The following PDE4B variants were observed in gnomAD, a reference collection of about 807,000 sequenced individuals.
PDE4B encodes the protein 3',5'-cyclic-AMP phosphodiesterase 4B.
In PDE4B, 20 loss-of-function variants were observed where a neutral mutation model predicts 82.2. That is an observed-to-expected ratio of 0.24 (90% CI 0.17 to 0.35). The LOEUF (loss-of-function observed/expected upper bound fraction) is 0.35. PDE4B is among the 10% of genes least tolerant of loss of function. The pLI, the probability that PDE4B is intolerant of heterozygous loss-of-function variation, is 1.00. For missense variants in PDE4B, 655 were observed against 907.2 expected, an observed-to-expected ratio of 0.72 and a Z score of 3.57; for synonymous variants, 320 against 318.9, an observed-to-expected ratio of 1.00 and a Z score of -0.04.
intron 3 of PDE4B, among the ~76,000 whole-genome samples, chr1:66,060,034 T>C (rs1321948310): frequency 6.6e-6 from 1 of 152,174 alleles, no homozygotes; most frequent in Non-Finnish European, 1.5e-5. Context: ...TCTGTGAAAA[T>C]TAAATTATAA....
At chr1:66,288,430 T>G (rs1467535202) in intron 7 of PDE4B, among the ~76,000 whole-genome samples, 1 of 152,096 alleles carries the variant, frequency 6.6e-6, no homozygotes, top group East Asian at 1.9e-4. Context: ...ACCTACTTTT[T>G]CAGTTTGTTA....
chr1:65,996,444 T>C (rs943098288), intron 3 of PDE4B, among the ~76,000 whole-genome samples: 3 of 152,068 alleles, frequency 2.0e-5, no homozygotes, highest in Non-Finnish European at 4.4e-5. Flanking sequence ...CGTTTTCTTT[T>C]TCATTCACTC....
intron 1 of PDE4B, among the ~76,000 whole-genome samples, chr1:65,868,045 CA>C (rs1466469452): frequency 6.6e-6 from 1 of 152,188 alleles, no homozygotes; most frequent in Non-Finnish European, 1.5e-5. Flanking sequence ...ATATGTAAGA[CA>C]TGGTTCTTGC....
chr1:66,255,065 T>C (rs941594450), intron 4 of PDE4B, among the ~76,000 whole-genome samples: 3 of 151,968 alleles, frequency 2.0e-5, no homozygotes, highest in African/African-American at 4.8e-5. Flanking sequence ...TTTTCTTTTC[T>C]TTTTTTCTCT....
intron 3 of PDE4B, among the ~76,000 whole-genome samples, chr1:66,022,532 G>A (rs977716253): frequency 6.6e-6 from 1 of 152,078 alleles, no homozygotes; most frequent in East Asian, 1.9e-4. Context: ...GTTGAATTTT[G>A]TTGAAGGCCC....
chr1:66,145,502 G>A lies in PDE4B; in HGVS notation c.282-101958G>A, dbSNP rs567323693. Among the ~76,000 whole-genome samples, 17 of 152,302 alleles carry A rather than the reference G, an allele frequency of 1.1e-4. No homozygotes were observed. In the South Asian group the frequency reaches 3.1e-3, roughly 28 times the overall value. On this transcript the variant is annotated intron_variant, in intron 3 of 16. Coordinates refer to ENST00000341517, the MANE Select transcript of PDE4B (RefSeq NM_002600.4). ...CCAGGTATATAACTGACCCTTAGGT[G>A]CTATGGGCTCTTATGGGCTCCAAAA...
At chr1:65,958,312 A>G (rs1371267216) in intron 3 of PDE4B, among the ~76,000 whole-genome samples, 1 of 152,046 alleles carries the variant, frequency 6.6e-6, no homozygotes, top group Non-Finnish European at 1.5e-5. Context: ...TCCTTCCTAA[A>G]ATAAGCTCAA....
intron 3 of PDE4B, among the ~76,000 whole-genome samples, chr1:66,238,334 T>C (rs1183838687): frequency 6.6e-6 from 1 of 152,100 alleles, no homozygotes; most frequent in Non-Finnish European, 1.5e-5. Flanking sequence ...CAGTGTGGTA[T>C]TGGATGAGGA....
intron 3 of PDE4B, chr1:66,062,924 T>G (rs1348913767): frequency 6.6e-6 from 1 of 152,104 alleles, no homozygotes; most frequent in Admixed American, 6.6e-5. Context: ...TTAGTATGGA[T>G]CCTCATGTTC....
At chr1:66,073,044 C>A (rs1193114273) in intron 3 of PDE4B, among the ~76,000 whole-genome samples, 1 of 150,536 alleles carries the variant, frequency 6.6e-6, no homozygotes, top group Non-Finnish European at 1.5e-5. Context: ...TCAGCCAGTT[C>A]CTTATAGAAA....
At chr1:66,162,505 G>T (rs932485722) in intron 3 of PDE4B, among the ~76,000 whole-genome samples, 2 of 151,930 alleles carry the variant, frequency 1.3e-5, no homozygotes, top group African/African-American at 4.8e-5. Context: ...GCTTCTCTCT[G>T]TTCCATGACT....
chr1:66,072,963 CAA>C (rs1327705108), intron 3 of PDE4B, among the ~76,000 whole-genome samples: 1 of 150,018 alleles, frequency 6.7e-6, no homozygotes, highest in Non-Finnish European at 1.5e-5. Context: ...ATTTAAACAG[CAA>C]ATAAAAAAAA....
intron 3 of PDE4B, among the ~76,000 whole-genome samples, chr1:66,239,473 T>C (rs1652714344): frequency 6.6e-6 from 1 of 152,214 alleles, no homozygotes; most frequent in African/African-American, 2.4e-5. Flanking sequence ...AGATAAAAGT[T>C]TGAAATCGAG....
rs1038868007 is a variant in PDE4B, at chr1:65,896,648, G to A, written c.-70-16597G>A. On this transcript the variant is annotated intron_variant, in intron 1 of 16. Coordinates refer to ENST00000341517, the MANE Select transcript of PDE4B (RefSeq NM_002600.4). ...GAGAGTATTATAGACTACATTTGTGGCTGGATAGTAATTTGTCAGTATTTG... is the reference window on the plus strand; with the variant it reads ...GAGAGTATTATAGACTACATTTGTGACTGGATAGTAATTTGTCAGTATTTG... Among the ~76,000 whole-genome samples, 5 of 152,130 alleles carry A rather than the reference G, an allele frequency of 3.3e-5. No homozygotes were observed. In the East Asian group the frequency reaches 7.7e-4, roughly 23 times the overall value.
chr1:66,254,647 T>C (rs1380602390), intron 4 of PDE4B, among the ~76,000 whole-genome samples: 1 of 152,102 alleles, frequency 6.6e-6, no homozygotes, highest in African/African-American at 2.4e-5. Flanking sequence ...TACCTTAAAC[T>C]CCCCCAACAG....
At chr1:66,294,012 C>G (rs1029167121) in intron 7 of PDE4B, among the ~76,000 whole-genome samples, 2 of 152,148 alleles carry the variant, frequency 1.3e-5, no homozygotes, top group African/African-American at 4.8e-5. Context: ...TCCTGACCAG[C>G]CTGGCCAACA....
intron 1 of PDE4B, among the ~76,000 whole-genome samples, chr1:65,806,807 T>C (rs932164243): frequency 6.6e-6 from 1 of 152,212 alleles, no homozygotes; most frequent in African/African-American, 2.4e-5. Context: ...GTGACCAAAC[T>C]CTCATTACTG....
At chr1:66,189,655 A>C (rs937506350) in intron 3 of PDE4B, among the ~76,000 whole-genome samples, 2 of 152,120 alleles carry the variant, frequency 1.3e-5, no homozygotes, top group Admixed American at 6.6e-5. Context: ...TTCGTCACGT[A>C]GTTCTCATGC....
At chr1:66,220,281 T>C (rs1650867382) in intron 3 of PDE4B, among the ~76,000 whole-genome samples, 1 of 152,170 alleles carries the variant, frequency 6.6e-6, no homozygotes. Context: ...TCTAGATTAA[T>C]ATTCAGTACT....
Sources: gnomAD v4.1 joint callset for allele counts (sites outside exome capture counted in the v4.1 genomes callset) on GRCh38, gnomAD v4.1.1 for gene constraint, MANE v1.5 for transcripts, NCBI Gene and HGNC (gene_info 2026-07-23, HGNC 2026-07-21) for gene names.